Variants in ANTXR1 observed in about 807,000 individuals in gnomAD.
ANTXR1 encodes the protein ANTXR cell adhesion molecule 1.
A neutral mutation model predicts 78.1 loss-of-function variants in ANTXR1; 19 were observed. The ratio of observed to expected loss-of-function variants is 0.24; its 90% CI spans 0.17 to 0.36. The LOEUF is 0.36. Ranked by LOEUF, ANTXR1 falls within the 10% of genes least tolerant of loss-of-function variation. ANTXR1 has a pLI of 1.00. For synonymous variants in ANTXR1, 273 were observed against 260.5 expected, an observed-to-expected ratio of 1.05 and a Z score of -0.46; for missense variants, 518 against 718.6, an observed-to-expected ratio of 0.72 and a Z score of 3.19.
intron 10 of ANTXR1, among the ~76,000 whole-genome samples, chr2:69,104,920 C>A (rs1470550740): frequency 6.6e-6 from 1 of 152,130 alleles, no homozygotes; most frequent in East Asian, 1.9e-4. Flanking sequence ...CTTGTCTCTA[C>A]CAAAAATACA....
chr2:69,078,994 T>C (rs190468110), intron 8 of ANTXR1, among the ~76,000 whole-genome samples: 104 of 152,278 alleles, frequency 6.8e-4, no homozygotes, highest in African/African-American at 2.3e-3. Flanking sequence ...TTTTAGAACA[T>C]TGACATATCT....
chr2:69,216,796 C>T (rs982275352), intron 17 of ANTXR1, among the ~76,000 whole-genome samples: 14 of 152,186 alleles, frequency 9.2e-5, no homozygotes, highest in African/African-American at 3.4e-4. Context: ...AAGACTTCCC[C>T]CATGAGTTTA....
At chr2:69,081,005 G>A (rs1670882754) in intron 8 of ANTXR1, among the ~76,000 whole-genome samples, 1 of 152,338 alleles carries the variant, frequency 6.6e-6, no homozygotes, top group South Asian at 2.1e-4. Flanking sequence ...CAAGACTCAG[G>A]AAATCTAGAC....
chr2:69,123,013 G>A lies in ANTXR1; in HGVS notation c.803-4G>A, dbSNP rs778418913. The A allele has an allele frequency of 3.7e-6, 6 of 1,613,904 alleles. No homozygotes were observed. Among genetic ancestry groups the A allele is most frequent in the Admixed American group, 3.3e-5 (2 of 59,994 alleles). On this transcript the variant is annotated splice_polypyrimidine_tract_variant and splice_region_variant and intron_variant, in intron 10 of 17. Transcript: ENST00000303714. ...TTCTTAATCCAGTGATTTCCTTTTT[G>A]CAGATGAGAAGCCCTTTTCTGTGGA...
chr2:69,139,771 A>T (rs1220109981), intron 12 of ANTXR1, among the ~76,000 whole-genome samples: 1 of 152,228 alleles, frequency 6.6e-6, no homozygotes, highest in Non-Finnish European at 1.5e-5. Flanking sequence ...CTAATACATG[A>T]GGGATGATCA....
intron 11 of ANTXR1, among the ~76,000 whole-genome samples, chr2:69,123,811 C>A (rs1288809173): frequency 6.6e-6 from 1 of 152,134 alleles, no homozygotes; most frequent in African/African-American, 2.4e-5. Context: ...GTGCAGAGAA[C>A]AATAACAACA....
intron 12 of ANTXR1, among the ~76,000 whole-genome samples, chr2:69,126,444 T>C (rs79701601): frequency 0.043 from 6,487 of 152,256 alleles, 470 homozygotes; most frequent in African/African-American, 0.15. Context: ...TCTTCAAGTG[T>C]ATCCTGCCTG....
chr2:69,101,460 G>T (rs4527240), intron 9 of ANTXR1, among the ~76,000 whole-genome samples: 140,100 of 152,278 alleles, frequency 0.92, 64,577 homozygotes, highest in East Asian at 0.98. Context: ...AAGATCAGTT[G>T]TCTCATCTGT....
At chr2:69,167,137 G>A (rs1305361678) in intron 13 of ANTXR1, among the ~76,000 whole-genome samples, 3 of 152,192 alleles carry the variant, frequency 2.0e-5, no homozygotes, top group African/African-American at 7.2e-5. Flanking sequence ...CCAGGAGACT[G>A]GAGTGCAGAA....
chr2:69,124,682 T>C, intron 12 of ANTXR1, 39 bp downstream of exon 12: 1 of 1,600,208 alleles, frequency 6.2e-7, no homozygotes, highest in Non-Finnish European at 8.6e-7. Context: ...GATCTCATTA[T>C]CATTGTCACT....
chr2:69,021,646 A>AT (rs1295789290), intron 1 of ANTXR1, among the ~76,000 whole-genome samples: 2 of 152,232 alleles, frequency 1.3e-5, no homozygotes, highest in Non-Finnish European at 2.9e-5. Flanking sequence ...AACTGGTCAG[A>AT]TAGCCTCACT....
intron 3 of ANTXR1, among the ~76,000 whole-genome samples, chr2:69,056,188 A>G (rs1670062076): frequency 6.6e-6 from 1 of 152,214 alleles, no homozygotes; most frequent in African/African-American, 2.4e-5. Context: ...GAACAGTAGC[A>G]TTCTCATATC....
At chr2:69,044,483 C>T (rs758432499) in intron 2 of ANTXR1, among the ~76,000 whole-genome samples, 3 of 152,112 alleles carry the variant, frequency 2.0e-5, no homozygotes, top group Non-Finnish European at 2.9e-5. Flanking sequence ...CATTCTTACT[C>T]GTAATCCACA....
chr2:69,018,824 G>A (rs1671102103), intron 1 of ANTXR1, among the ~76,000 whole-genome samples: 3 of 152,156 alleles, frequency 2.0e-5, no homozygotes, highest in Non-Finnish European at 4.4e-5. Flanking sequence ...GAGGAACTGG[G>A]TAGATTCCAG....
chr2:69,093,958 G>A (rs1444372014), intron 9 of ANTXR1, among the ~76,000 whole-genome samples: 1 of 152,170 alleles, frequency 6.6e-6, no homozygotes, highest in South Asian at 2.1e-4. Flanking sequence ...AATTCAAGTC[G>A]TAAGGGTTTA....
chr2:69,139,172 C>T (rs1174549048), intron 12 of ANTXR1, among the ~76,000 whole-genome samples: 1 of 152,232 alleles, frequency 6.6e-6, no homozygotes, highest in East Asian at 1.9e-4. Flanking sequence ...CCTTTGATCA[C>T]ATTTCATTTT....
At chr2:69,214,569 A>G (rs976161270) in intron 17 of ANTXR1, among the ~76,000 whole-genome samples, 1 of 152,008 alleles carries the variant, frequency 6.6e-6, no homozygotes, top group Non-Finnish European at 1.5e-5. Flanking sequence ...GCTAGGCTAA[A>G]CTCCAACCCC....
At chr2:69,208,547 GAT>G (rs1674960383) in intron 17 of ANTXR1, among the ~76,000 whole-genome samples, 1 of 152,176 alleles carries the variant, frequency 6.6e-6, no homozygotes, top group Non-Finnish European at 1.5e-5. Flanking sequence ...GGTTAAATAA[GAT>G]ATATTAGTAA....
At chr2:69,077,744 G>T (rs1336045001) in intron 8 of ANTXR1, among the ~76,000 whole-genome samples, 1 of 152,186 alleles carries the variant, frequency 6.6e-6, no homozygotes, top group Non-Finnish European at 1.5e-5. Flanking sequence ...GCTTCAGGAG[G>T]CCCTCTCCGT....
Sources: gnomAD v4.1 joint callset for allele counts (sites outside exome capture counted in the v4.1 genomes callset) on GRCh38, gnomAD v4.1.1 for gene constraint, MANE v1.5 for transcripts, NCBI Gene and HGNC (gene_info 2026-07-23, HGNC 2026-07-21) for gene names.